LDLRAD4: variants seen among roughly 807,000 people sequenced by gnomAD.
LDLRAD4 encodes low density lipoprotein receptor class A domain containing 4.
Under a neutral mutation model 17.0 loss-of-function variants are expected in LDLRAD4, and 5 were observed. The observed-to-expected ratio is 0.29, with a 90% CI of 0.15 to 0.62. The LOEUF is 0.62. Among genes scored for constraint, LDLRAD4 ranks in the 20% least tolerant of loss-of-function variants. The probability of loss-of-function intolerance (pLI) is 0.84; values close to 1 mark genes in which losing one functional copy is unlikely to be tolerated. For synonymous variants in LDLRAD4, 168 were observed against 171.8 expected, an observed-to-expected ratio of 0.98 and a Z score of 0.17; for missense variants, 340 against 424.7, an observed-to-expected ratio of 0.80 and a Z score of 1.75.
chr18:13,639,538 C>T (rs951273773), intron 4 of LDLRAD4, among the ~76,000 whole-genome samples: 5 of 152,188 alleles, frequency 3.3e-5, no homozygotes, highest in African/African-American at 9.7e-5. Flanking sequence ...GGCTGTGGAG[C>T]GAGCATCAGC....
intron 3 of LDLRAD4, among the ~76,000 whole-genome samples, chr18:13,593,328 A>G (rs755720559): frequency 6.6e-6 from 1 of 152,224 alleles, no homozygotes; most frequent in Non-Finnish European, 1.5e-5. Flanking sequence ...ACAAAAAACA[A>G]AAAACAAAAA....
intron 2 of LDLRAD4, among the ~76,000 whole-genome samples, chr18:13,431,578 C>T (rs958086067): frequency 1.3e-5 from 2 of 152,146 alleles, no homozygotes; most frequent in African/African-American, 2.4e-5. Flanking sequence ...TTTAAGAGCA[C>T]GTTGTTGCAT....
At chr18:13,402,536 A>G (rs1171621588) in intron 2 of LDLRAD4, among the ~76,000 whole-genome samples, 2 of 152,332 alleles carry the variant, frequency 1.3e-5, no homozygotes, top group Middle Eastern at 3.4e-3. Context: ...TAAGTGAAAA[A>G]CATTACATCT....
chr18:13,252,139 T>A (rs925404480), intron 1 of LDLRAD4, among the ~76,000 whole-genome samples: 1 of 151,870 alleles, frequency 6.6e-6, no homozygotes, highest in Non-Finnish European at 1.5e-5. Flanking sequence ...TGTTTGTTTT[T>A]TTGAGATGGA....
intron 2 of LDLRAD4, among the ~76,000 whole-genome samples, chr18:13,437,847 C>G (rs1334483128): frequency 1.3e-5 from 2 of 152,232 alleles, no homozygotes; most frequent in Non-Finnish European, 2.9e-5. Context: ...CCACGGCTGG[C>G]TGCACGGGCT....
At chr18:13,232,084 C>CT (rs1251443019) in intron 1 of LDLRAD4, among the ~76,000 whole-genome samples, 1 of 152,228 alleles carries the variant, frequency 6.6e-6, no homozygotes, top group African/African-American at 2.4e-5. Flanking sequence ...ATCAAGGGGA[C>CT]TGAGGGGGCA....
rs190165068 is a variant in LDLRAD4 at position 13,337,767 on chromosome 18, A to G, written c.-382-49574A>G. 2.5e-3 allele frequency among the ~76,000 whole-genome samples: 381 copies of G among 150,744 alleles called. 1 individual carries two copies. Among genetic ancestry groups the G allele is most frequent in the African/African-American group, 8.6e-3 (354 of 41,168 alleles). Reference sequence around the variant, plus strand: ...AAAAAAAAAAAAAAAGAGTTAGCCAAGTGTGGTGGACCTGAGGCAAGAGTT... The same window carrying G: ...AAAAAAAAAAAAAAAGAGTTAGCCAGGTGTGGTGGACCTGAGGCAAGAGTT... On this transcript the variant is annotated intron_variant, in intron 1 of 5. Coordinates refer to ENST00000359446, the Ensembl canonical transcript of LDLRAD4.
chr18:13,279,711 A>C (rs1363729944), intron 1 of LDLRAD4: 1 of 152,252 alleles, frequency 6.6e-6, no homozygotes, highest in African/African-American at 2.4e-5. Flanking sequence ...GTATATGTGG[A>C]TTTTAAATTA....
chr18:13,591,256 T>C (rs2095023789), intron 3 of LDLRAD4, among the ~76,000 whole-genome samples: 1 of 152,350 alleles, frequency 6.6e-6, no homozygotes, highest in Admixed American at 6.5e-5. Flanking sequence ...AAGACTGTTA[T>C]TGTAGAAACT....
chr18:13,424,027 C>A (rs2089716080), intron 2 of LDLRAD4, among the ~76,000 whole-genome samples: 1 of 151,912 alleles, frequency 6.6e-6, no homozygotes, highest in Admixed American at 6.6e-5. Flanking sequence ...CCTAGCTACT[C>A]AGGAGGCTGA....
intron 1 of LDLRAD4, among the ~76,000 whole-genome samples, chr18:13,226,507 G>A (rs1403767363): frequency 6.6e-6 from 1 of 151,798 alleles, no homozygotes; most frequent in Non-Finnish European, 1.5e-5. Context: ...AAAAACCTTT[G>A]CAAATTTGGC....
intron 1 of LDLRAD4, among the ~76,000 whole-genome samples, chr18:13,251,867 T>A (rs971151534): frequency 6.6e-6 from 1 of 152,250 alleles, no homozygotes. Flanking sequence ...TTATCCCAAA[T>A]GCAGAGTTCC....
At chr18:13,371,677 A>G (rs925426964) in intron 1 of LDLRAD4, among the ~76,000 whole-genome samples, 2 of 152,066 alleles carry the variant, frequency 1.3e-5, no homozygotes, top group African/African-American at 4.8e-5. Flanking sequence ...AGGCAGGAGA[A>G]TCGCCTGAAC....
At chr18:13,460,317 T>A (rs2092368852) in intron 3 of LDLRAD4, among the ~76,000 whole-genome samples, 2 of 152,174 alleles carry the variant, frequency 1.3e-5, no homozygotes, top group Non-Finnish European at 2.9e-5. Flanking sequence ...CTCAGCCTCC[T>A]GAGTAGCTGG....
intron 3 of LDLRAD4, among the ~76,000 whole-genome samples, chr18:13,554,152 A>G (rs2094461748): frequency 6.6e-6 from 1 of 152,320 alleles, no homozygotes; most frequent in South Asian, 2.1e-4. Context: ...ATAGTTATTG[A>G]GCCAACAGAT....
intron 1 of LDLRAD4, among the ~76,000 whole-genome samples, chr18:13,360,896 C>T (rs1240339588): frequency 2.0e-5 from 3 of 152,228 alleles, no homozygotes; most frequent in Admixed American, 6.5e-5. Flanking sequence ...TTTCTCCCCA[C>T]TGATTTCTTT....
exon 6 of LDLRAD4, chr18:13,650,618 CTT>C: frequency 2.7e-6 from 1 of 366,420 alleles, no homozygotes; most frequent in African/African-American, 2.1e-5. Context: ...AGTTGTCTGT[CTT>C]TTCTTATGTT....
At chr18:13,564,147 G>A (rs917392726) in intron 3 of LDLRAD4, among the ~76,000 whole-genome samples, 1 of 152,182 alleles carries the variant, frequency 6.6e-6, no homozygotes, top group Admixed American at 6.5e-5. Context: ...CTCCCAAATT[G>A]TTGGTATTAT....
At chr18:13,555,771 G>A (rs2094477057) in intron 3 of LDLRAD4, among the ~76,000 whole-genome samples, 1 of 152,152 alleles carries the variant, frequency 6.6e-6, no homozygotes, top group African/African-American at 2.4e-5. Flanking sequence ...ATGGAAAGAA[G>A]TTTATAAAGT....
Sources: gnomAD v4.1 joint callset for allele counts (sites outside exome capture counted in the v4.1 genomes callset) on GRCh38, gnomAD v4.1.1 for gene constraint, MANE v1.5 for transcripts, NCBI Gene and HGNC (gene_info 2026-07-23, HGNC 2026-07-21) for gene names.